The following ABCC1 variants were observed in gnomAD, a reference collection of about 807,000 sequenced individuals.
The protein encoded by ABCC1 is ATP binding cassette subfamily C member 1 (ABCC1 blood group).
ABCC1 carries 83 observed loss-of-function variants against 172.9 expected under a neutral mutation model. The ratio of observed to expected loss-of-function variants is 0.48; its 90% CI spans 0.40 to 0.58. The LOEUF is 0.58. Among genes scored for constraint, ABCC1 ranks in the 20% least tolerant of loss-of-function variants. The pLI is 0.00. For missense variants in ABCC1, 1,817 were observed against 2,002.7 expected (o/e 0.91, Z 1.77); for synonymous variants, 937 against 825.2 (o/e 1.14, Z -2.32).
rs1447022036 is a variant in ABCC1, at chr16:16,083,626, G to T, written c.2292+84G>T. The T allele has an allele frequency of 2.0e-6, 3 of 1,537,400 alleles. No homozygotes were observed. The East Asian group carries it at 6.8e-5, about 35-fold the overall frequency. On this transcript the variant is annotated intron_variant, in intron 17 of 30. Coordinates refer to ENST00000399410, the MANE Select transcript of ABCC1 (RefSeq NM_004996.4). Reference sequence around the variant, plus strand: ...CTCTCACAATCTCAGTGGGCTGTGAGTCTGCTGCTATCAGCTGACCCGGCA... The same window carrying T: ...CTCTCACAATCTCAGTGGGCTGTGATTCTGCTGCTATCAGCTGACCCGGCA...
chr16:16,011,261 G>A (rs1004163835), intron 3 of ABCC1, among the ~76,000 whole-genome samples: 12 of 151,746 alleles, frequency 7.9e-5, no homozygotes, highest in South Asian at 2.1e-4. Context: ...AAAAAGGAGA[G>A]AACAAGTTTA....
At chr16:16,106,910 G>GTTTA (rs1567412417) in intron 21 of ABCC1, 37 bp downstream of exon 21, 1 of 1,612,938 alleles carries the variant, frequency 6.2e-7, no homozygotes, top group South Asian at 1.1e-5. Flanking sequence ...AGTGGCTGGA[G>GTTTA]TTTATAGAGC....
intron 19 of ABCC1, among the ~76,000 whole-genome samples, chr16:16,102,335 C>T (rs2051797296): frequency 1.3e-5 from 2 of 152,212 alleles, no homozygotes; most frequent in South Asian, 2.1e-4. Flanking sequence ...GGGTTTTACC[C>T]ATTGCTGCTG....
rs937036071 is a variant in ABCC1, at chr16:16,086,697, G to C, written c.2293-127G>C. The C allele has an allele frequency of 1.2e-5, 12 of 965,472 alleles. No individual in the cohort carries two copies. The African/African-American group carries it at 1.3e-4, about 10-fold the overall frequency. 59.8% of individuals were successfully genotyped at this position (965,472 alleles called of 1,614,324 possible). ...TTGCTCAGGCTGGTCTCAAACCCCT[G>C]GTCTCAAGCAGTCCTTCCACCTTGG... On this transcript the variant is annotated intron_variant, in intron 17 of 30. Transcript: ENST00000399410.
At position 15,968,667 on chromosome 16, in the gene ABCC1, G is replaced by A. The variant is rs909441941; in HGVS notation, c.48+18868G>A. On this transcript the variant is annotated intron_variant, in intron 1 of 30. Transcript: ENST00000399410. ...GCTGGGATTACAGGTCTAAGCCACC[G>A]TGCCCAGCCATAAATACATGGTATT... Among the ~76,000 whole-genome samples the A allele has an allele frequency of 5.9e-5, 9 of 152,054 alleles. No homozygotes were observed. The South Asian group carries it at 6.2e-4, about 10-fold the overall frequency.
chr16:16,006,536 T>C (rs868375565), intron 1 of ABCC1, among the ~76,000 whole-genome samples: 1 of 152,042 alleles, frequency 6.6e-6, no homozygotes, highest in African/African-American at 2.4e-5. Context: ...AATTTGTCTA[T>C]TTGGCATGGC....
In ABCC1 at chr16:16,106,749, GCTC is replaced by G. The variant is rs773097397; in HGVS notation, c.2756_2758del (p.Ser919del). The G allele has an allele frequency of 1.1e-5, 18 of 1,613,914 alleles. No homozygotes were observed. Among genetic ancestry groups the G allele is most frequent in the South Asian group, 7.7e-5 (7 of 91,092 alleles). On this transcript the variant is annotated inframe_deletion, in exon 21 of 31. Transcript: ENST00000399410. ...CTTTGCTTCTCCAGACAGCTCAGCA[GCTC>G]CTCCTCCTATAGTGGGGACATCAGC...
rs1159256142 is a variant in ABCC1 at position 16,138,412 on chromosome 16, G to C, written c.4341G>C (p.Lys1447Asn). The C allele has an allele frequency of 1.9e-6, 3 of 1,609,274 alleles. No homozygotes were observed. Among genetic ancestry groups the C allele is most frequent in the South Asian group, 2.2e-5 (2 of 90,922 alleles). The change falls in exon 30 of 31, where the codon AAG becomes AAC. Residue 1447 changes from lysine to asparagine, a missense_variant. Physicochemically the swap from Lys to Asn is moderately conservative, Grantham distance 94. Transcript: ENST00000399410. ...LVCLARALLR[K>N]TKILVLDEAT... ...GCCTAGCCCGGGCCCTGCTGAGGAAGACGAAGATCCTTGTGTTGGATGAGG... is the reference window on the plus strand; with the variant it reads ...GCCTAGCCCGGGCCCTGCTGAGGAACACGAAGATCCTTGTGTTGGATGAGG...
intron 5 of ABCC1, among the ~76,000 whole-genome samples, chr16:16,018,055 G>T (rs1276841170): frequency 6.6e-6 from 1 of 152,156 alleles, no homozygotes; most frequent in East Asian, 1.9e-4. Flanking sequence ...GGGAGGCCTT[G>T]GAGCACCTAT....
chr16:16,070,558 G>T (rs1399107074), intron 13 of ABCC1, among the ~76,000 whole-genome samples: 2 of 151,882 alleles, frequency 1.3e-5, no homozygotes, highest in East Asian at 3.9e-4. Flanking sequence ...CCAGCTACTC[G>T]GTTGGCTGAG....
At chr16:15,983,722 AT>A (rs2151597283) in intron 1 of ABCC1, among the ~76,000 whole-genome samples, 1 of 151,884 alleles carries the variant, frequency 6.6e-6, no homozygotes, top group South Asian at 2.1e-4. Context: ...TGCCTGGCTA[AT>A]TTTGGTATTT....
Position 16,074,634 on chromosome 16 carries a change from G to C in ABCC1, c.1913-1692G>C, listed in dbSNP as rs533338212. Among the ~76,000 whole-genome samples the C allele has an allele frequency of 3.3e-5, 5 of 152,250 alleles. No individual in the cohort carries two copies. The South Asian group carries it at 1.0e-3, about 32-fold the overall frequency. The stretch of plus-strand genomic sequence containing the variant: ...GTTTAGCACGCTCTAGCCAGTGGGG[G>C]CCCCCTTGGCTGCTCCCAGCTCCCA... On this transcript the variant is annotated intron_variant, in intron 14 of 30. Coordinates refer to ENST00000399410, the MANE Select transcript of ABCC1 (RefSeq NM_004996.4).
chr16:16,062,974 C>A (rs1448227326), intron 12 of ABCC1, among the ~76,000 whole-genome samples: 1 of 152,106 alleles, frequency 6.6e-6, no homozygotes, highest in African/African-American at 2.4e-5. Context: ...TTCTGTTTAC[C>A]CTGAATCTCC....
chr16:16,043,657 A>C (rs138442982), intron 7 of ABCC1, among the ~76,000 whole-genome samples: 12 of 151,196 alleles, frequency 7.9e-5, no homozygotes, highest in African/African-American at 2.7e-4. Context: ...GCTGGAGTGC[A>C]ATGGCCTGAT....
rs1015353947 is a variant in ABCC1 at position 16,053,460 on chromosome 16, T to A, written c.1473+644T>A. On this transcript the variant is annotated intron_variant, in intron 11 of 30. Transcript: ENST00000399410. The stretch of plus-strand genomic sequence containing the variant: ...TGGAGATATTTTGTATTTTAAAAAG[T>A]TTGAATACCCAAGTAATAGAGTGAT... Among the ~76,000 whole-genome samples, 5 of 151,816 alleles carry A rather than the reference T, an allele frequency of 3.3e-5. No individual in the cohort carries two copies. In the South Asian group the frequency reaches 6.2e-4, roughly 19 times the overall value.
chr16:16,021,698 C>A (rs529111270), intron 5 of ABCC1, among the ~76,000 whole-genome samples: 109 of 152,234 alleles, frequency 7.2e-4, no homozygotes, highest in African/African-American at 2.6e-3. Context: ...CAGACTGAGA[C>A]CCTGTCTCAA....
intron 19 of ABCC1, among the ~76,000 whole-genome samples, chr16:16,101,501 G>C (rs2051746604): frequency 6.6e-6 from 1 of 152,126 alleles, no homozygotes; most frequent in Non-Finnish European, 1.5e-5. Context: ...GCATTTTTGA[G>C]CTCTGCTTTT....
intron 1 of ABCC1, among the ~76,000 whole-genome samples, chr16:15,969,860 G>A (rs762402857): frequency 6.6e-6 from 1 of 152,036 alleles, no homozygotes. Flanking sequence ...AGTCTCTGAG[G>A]GTCCTGCATA....
At chr16:16,083,277 C>A in intron 16 of ABCC1, 89 bp from the exon 17 acceptor site, 1 of 1,329,690 alleles carries the variant, frequency 7.5e-7, no homozygotes, top group Non-Finnish European at 1.1e-6. Flanking sequence ...GAAGTGAGGC[C>A]CTCCTAGCAG....
Sources: gnomAD v4.1 joint callset for allele counts (sites outside exome capture counted in the v4.1 genomes callset) on GRCh38, gnomAD v4.1.1 for gene constraint, MANE v1.5 for transcripts, NCBI Gene and HGNC (gene_info 2026-07-23, HGNC 2026-07-21) for gene names.